MYLK: variants seen among roughly 807,000 people sequenced by gnomAD.
MYLK encodes myosin light chain kinase.
MYLK carries 106 observed loss-of-function variants against 203.4 expected under a neutral mutation model. The ratio of observed to expected loss-of-function variants is 0.52; its 90% CI spans 0.45 to 0.61. The LOEUF is 0.61. Among genes scored for constraint, MYLK ranks in the 20% least tolerant of loss-of-function variants. MYLK has a pLI of 0.00. For synonymous variants in MYLK, 867 were observed against 959.5 expected, an observed-to-expected ratio of 0.90 and a Z score of 1.78; for missense variants, 2,072 against 2,442.3, an observed-to-expected ratio of 0.85 and a Z score of 3.20.
intron 4 of MYLK, among the ~76,000 whole-genome samples, chr3:123,758,401 T>C (rs1226900227): frequency 6.6e-6 from 1 of 152,170 alleles, no homozygotes; most frequent in Non-Finnish European, 1.5e-5. Context: ...TGTAAACCAA[T>C]GAGGACAAAA....
chr3:123,741,217 CA>C (rs1450265153), intron 5 of MYLK, among the ~76,000 whole-genome samples: 1 of 152,134 alleles, frequency 6.6e-6, no homozygotes, highest in Non-Finnish European at 1.5e-5. Flanking sequence ...TGTGTAAGAA[CA>C]TAGGTGTGGA....
At chr3:123,789,634 C>A (rs1186604262) in intron 4 of MYLK, among the ~76,000 whole-genome samples, 1 of 143,372 alleles carries the variant, frequency 7.0e-6, no homozygotes, top group Non-Finnish European at 1.5e-5. Context: ...AAAATATAGT[C>A]TCCTCAAGCT....
intron 3 of MYLK, among the ~76,000 whole-genome samples, chr3:123,803,176 C>A (rs547384440): frequency 1.3e-5 from 2 of 152,154 alleles, no homozygotes; most frequent in African/African-American, 4.8e-5. Flanking sequence ...CTGTACAATG[C>A]GGCTACTGCT....
chr3:123,663,626 G>A (rs2059638065), intron 23 of MYLK, among the ~76,000 whole-genome samples: 1 of 152,106 alleles, frequency 6.6e-6, no homozygotes, highest in African/African-American at 2.4e-5. Context: ...GGATGGTGGA[G>A]CCCCCAAGGA....
chr3:123,739,805 G>C, intron 6 of MYLK, 148 bp downstream of exon 6: 1 of 868,912 alleles, frequency 1.2e-6, no homozygotes, highest in Non-Finnish European at 1.9e-6. Flanking sequence ...AGGAGGTGCT[G>C]TGTAAATGAC....
chr3:123,791,740 A>C (rs1316448967), intron 4 of MYLK, among the ~76,000 whole-genome samples: 1 of 152,244 alleles, frequency 6.6e-6, no homozygotes, highest in Non-Finnish European at 1.5e-5. Context: ...ATATAAGAAA[A>C]ATAAAATTTT....
chr3:123,626,369 A>G (rs2058147749), intron 31 of MYLK, among the ~76,000 whole-genome samples: 1 of 152,240 alleles, frequency 6.6e-6, no homozygotes, highest in African/African-American at 2.4e-5. Flanking sequence ...CTATTAACAT[A>G]CAACCTTCCT....
At chr3:123,849,987 T>C (rs1047707013) in intron 2 of MYLK, among the ~76,000 whole-genome samples, 1 of 152,174 alleles carries the variant, frequency 6.6e-6, no homozygotes, top group Non-Finnish European at 1.5e-5. Flanking sequence ...AGCGAGAATA[T>C]GCGGTGTTTG....
intron 23 of MYLK, among the ~76,000 whole-genome samples, chr3:123,662,127 A>T (rs1322169002): frequency 1.8e-4 from 27 of 152,208 alleles, no homozygotes; most frequent in Admixed American, 1.8e-3. Flanking sequence ...TGGCATGTGG[A>T]CAGCTCCCCA....
At chr3:123,621,104 G>A (rs2057831655) in intron 31 of MYLK, 1 of 152,218 alleles carries the variant, frequency 6.6e-6, no homozygotes, top group Admixed American at 6.5e-5. Context: ...AGACTTGGGA[G>A]AGGAAAGAAT....
chr3:123,668,583 G>C (rs950590174), intron 20 of MYLK, among the ~76,000 whole-genome samples: 1 of 152,046 alleles, frequency 6.6e-6, no homozygotes, highest in Admixed American at 6.6e-5. Flanking sequence ...GACCATGCTG[G>C]GAGTCCATGA....
At chr3:123,831,810 G>T (rs1338300049) in intron 2 of MYLK, 140 bp from the exon 3 acceptor site, 1 of 170,026 alleles carries the variant, frequency 5.9e-6, no homozygotes, top group Non-Finnish European at 1.3e-5. Flanking sequence ...GACGATGGGT[G>T]GCTTTTATTA....
At position 123,648,820 on chromosome 3, in the gene MYLK, C is replaced by T. The variant is rs574168275; in HGVS notation, c.4415+151G>A. 88 of 723,346 alleles carry T rather than the reference C, an allele frequency of 1.2e-4. No individual in the cohort carries two copies. The highest frequency in any genetic ancestry group is 8.0e-4 in the Admixed American group (40 of 49,710). The allele number at this position is 723,346 out of a possible 1,614,324, so 44.8% of individuals were successfully genotyped here. A position where few individuals can be genotyped will look rare whatever the true frequency, so the allele number is the denominator to read the frequency against. On this transcript the variant is annotated intron_variant, in intron 26 of 33. Transcript: ENST00000360304. The surrounding 1 kb of genome is among the most constrained non-coding windows in gnomAD (Gnocchi z 4.5). ...GTCCTGGGTGAGTGAGTGATGCTTTCGTGGGTCAGTCCTTTGGATCCTGCA... is the reference window on the plus strand; with the variant it reads ...GTCCTGGGTGAGTGAGTGATGCTTTTGTGGGTCAGTCCTTTGGATCCTGCA...
chr3:123,775,940 G>A (rs1289572045), intron 4 of MYLK, among the ~76,000 whole-genome samples: 1 of 152,158 alleles, frequency 6.6e-6, no homozygotes, highest in African/African-American at 2.4e-5. Flanking sequence ...CTGAGCCCTA[G>A]GCTGTCTTGA....
intron 5 of MYLK, among the ~76,000 whole-genome samples, chr3:123,741,776 A>G (rs949874511): frequency 1.3e-5 from 2 of 152,376 alleles, no homozygotes; most frequent in South Asian, 4.1e-4. Flanking sequence ...ATAAGTAGTC[A>G]GGTAAAATGT....
Position 123,700,920 on chromosome 3 carries a change from T to C in MYLK, c.2548A>G (p.Arg850Gly). Residue 850 changes from arginine (R) to glycine (G), a missense_variant, in exon 18 of 34, where the codon AGG (arginine) becomes GGG (glycine). Physicochemically the swap from Arg to Gly is moderately radical, Grantham distance 125 (BLOSUM62 -2). Transcript: ENST00000360304. Reference protein sequence around the residue: ...GGGSDRYGSLRPGWPARGQGW... With the variant: ...GGGSDRYGSLGPGWPARGQGW... ...TGCCCTCTTGCTGGCCAGCCAGGCCTCAGGGACCCATAGCGGTCACTACCA... is the reference window on the plus strand; with the variant it reads ...TGCCCTCTTGCTGGCCAGCCAGGCCCCAGGGACCCATAGCGGTCACTACCA... 1.2e-6 allele frequency: 2 copies of C among 1,612,076 alleles called. No homozygotes were observed. Among genetic ancestry groups the C allele is most frequent in the Non-Finnish European group, 1.7e-6 (2 of 1,180,000 alleles).
chr3:123,875,030 C>T (rs1433141315), intron 2 of MYLK, among the ~76,000 whole-genome samples: 2 of 152,086 alleles, frequency 1.3e-5, no homozygotes, highest in Non-Finnish European at 2.9e-5. Context: ...ATATTACTAC[C>T]AGGAATGCAA....
chr3:123,686,279 G>A (rs2060452484), intron 19 of MYLK, among the ~76,000 whole-genome samples: 1 of 152,072 alleles, frequency 6.6e-6, no homozygotes, highest in South Asian at 2.1e-4. Context: ...GGAAGTGGGG[G>A]GCCTCTACAT....
rs371164607 is a variant in MYLK at position 123,639,145 on chromosome 3, T to A, written c.4838-951A>T. ...GCCGACTCCTGAGGACAGTGGCCTA[T>A]TTGTTTAATTTATTGGTGGTCACTG... On this transcript the variant is annotated intron_variant, in intron 28 of 33. Coordinates refer to ENST00000360304, the MANE Select transcript of MYLK (RefSeq NM_053025.4). 89 of 801,534 alleles carry A rather than the reference T, an allele frequency of 1.1e-4. 2 individuals carry two copies. The East Asian group carries it at 2.0e-3, about 18-fold the overall frequency. The allele number at this position is 801,534 out of a possible 1,614,324, so 49.7% of individuals were successfully genotyped here.
Sources: allele counts gnomAD v4.1 joint callset (sites outside exome capture counted in the v4.1 genomes callset), GRCh38; gene constraint gnomAD v4.1.1; non-coding constraint Gnocchi (gnomAD v3.1); transcripts MANE v1.5; gene names NCBI Gene and HGNC (gene_info 2026-07-23, HGNC 2026-07-21).